UST: variants seen among roughly 807,000 people sequenced by gnomAD.
UST encodes uronyl 2-sulfotransferase.
In UST, 21 loss-of-function variants were observed where a neutral mutation model predicts 45.6. The observed-to-expected ratio is 0.46, with a 90% CI of 0.33 to 0.66. The LOEUF (loss-of-function observed/expected upper bound fraction) is 0.66. Among genes scored for constraint, UST ranks in the 30% least tolerant of loss-of-function variants. The probability of loss-of-function intolerance (pLI) is 0.02; values close to 1 mark genes in which losing one functional copy is unlikely to be tolerated. For missense variants in UST, 463 were observed against 512.4 expected, an observed-to-expected ratio of 0.90 and a Z score of 0.93; for synonymous variants, 215 against 200.6, an observed-to-expected ratio of 1.07 and a Z score of -0.61.
chr6:148,885,221 A>G (rs1352182806), intron 1 of UST, among the ~76,000 whole-genome samples: 1 of 152,136 alleles, frequency 6.6e-6, no homozygotes, highest in Admixed American at 6.5e-5. Flanking sequence ...TCGATCCTTG[A>G]GATTGATTCC....
chr6:148,918,137 C>T (rs1399400114), intron 2 of UST, among the ~76,000 whole-genome samples: 8 of 152,294 alleles, frequency 5.3e-5, no homozygotes, highest in South Asian at 2.1e-4. Context: ...GCAAAACCAT[C>T]GGTAAGGAGG....
At position 149,074,138 on chromosome 6, in the gene UST, G is replaced by A. The variant is rs572972906; in HGVS notation, c.*22G>A. 7 of 1,604,480 alleles carry A rather than the reference G, an allele frequency of 4.4e-6. No individual in the cohort carries two copies. The African/African-American group carries it at 9.4e-5, about 21-fold the overall frequency. On this transcript the variant is annotated 3_prime_UTR_variant, in exon 8 of 8. Transcript: ENST00000367463. ...GTGATGTGACTGTGTTGCCTCTATG[G>A]CTTTATCTCCCTTTTCCAGAAAGTT...
chr6:148,872,778 C>A (rs1288955896), intron 1 of UST, among the ~76,000 whole-genome samples: 1 of 152,126 alleles, frequency 6.6e-6, no homozygotes, highest in Admixed American at 6.5e-5. Context: ...CTCCCTGACT[C>A]GTGGCCCCTT....
At chr6:148,808,034 G>A (rs1777183739) in intron 1 of UST, among the ~76,000 whole-genome samples, 1 of 152,158 alleles carries the variant, frequency 6.6e-6, no homozygotes, top group Non-Finnish European at 1.5e-5. Context: ...GCCAGGGTGG[G>A]AGGCAGGGCT....
At chr6:148,885,002 T>G (rs1313667097) in intron 1 of UST, among the ~76,000 whole-genome samples, 1 of 152,050 alleles carries the variant, frequency 6.6e-6, no homozygotes, top group East Asian at 1.9e-4. Flanking sequence ...AGGATGGAAT[T>G]GGAGCAAATA....
intron 1 of UST, among the ~76,000 whole-genome samples, chr6:148,839,126 G>T (rs963990207): frequency 3.3e-5 from 5 of 152,314 alleles, no homozygotes; most frequent in Admixed American, 1.3e-4. Context: ...GTTTATGGGA[G>T]GCCATTGTTT....
intron 1 of UST, among the ~76,000 whole-genome samples, chr6:148,786,413 A>T (rs1776736674): frequency 6.6e-6 from 1 of 151,990 alleles, no homozygotes; most frequent in Non-Finnish European, 1.5e-5. Flanking sequence ...AAATGGCCCC[A>T]GTGTGTGTTG....
chr6:149,029,796 T>G (rs1225207604), intron 7 of UST, among the ~76,000 whole-genome samples: 3 of 151,948 alleles, frequency 2.0e-5, no homozygotes, highest in Non-Finnish European at 4.4e-5. Flanking sequence ...ACCATCGATA[T>G]TCTCTATAAA....
chr6:148,881,419 G>T (rs1778820304), intron 1 of UST, among the ~76,000 whole-genome samples: 1 of 152,142 alleles, frequency 6.6e-6, no homozygotes, highest in Non-Finnish European at 1.5e-5. Context: ...AAACTCTAAA[G>T]GTATAGGTTA....
intron 1 of UST, among the ~76,000 whole-genome samples, chr6:148,866,046 C>A (rs117352330): frequency 0.014 from 2,044 of 151,370 alleles, 30 homozygotes; most frequent in Admixed American, 0.025. Context: ...TATATATATA[C>A]AAATACATAT....
intron 5 of UST, among the ~76,000 whole-genome samples, chr6:148,995,161 A>G (rs2114996944): frequency 6.6e-6 from 1 of 152,246 alleles, no homozygotes; most frequent in East Asian, 1.9e-4. Flanking sequence ...AGTAGCTGGA[A>G]TTATAGGCAC....
intron 7 of UST, among the ~76,000 whole-genome samples, chr6:149,041,807 C>A (rs1776318262): frequency 6.6e-6 from 1 of 152,194 alleles, no homozygotes; most frequent in African/African-American, 2.4e-5. Flanking sequence ...TCCATGCTGA[C>A]CACCCTTGGC....
intron 5 of UST, chr6:148,990,439 T>C (rs1781326582): frequency 2.0e-6 from 2 of 984,570 alleles, no homozygotes; most frequent in Non-Finnish European, 1.2e-6. Context: ...GGTAACTAGA[T>C]GGTATTTTTC....
At position 148,823,635 on chromosome 6, in the gene UST, T is replaced by C. The variant is rs549104469; in HGVS notation, c.248-63351T>C. On this transcript the variant is annotated intron_variant, in intron 1 of 7. Coordinates refer to ENST00000367463, the MANE Select transcript of UST (RefSeq NM_005715.3). The stretch of plus-strand genomic sequence containing the variant: ...AATGTGATATTAGTATTGGTAGCAG[T>C]GTACCTTAATTTGGAAGGGTAGGAA... Among the ~76,000 whole-genome samples, 5 of 152,340 alleles carry C rather than the reference T, an allele frequency of 3.3e-5. No individual in the cohort carries two copies. The South Asian group carries it at 8.3e-4, about 25-fold the overall frequency.
At chr6:148,992,803 C>G (rs1781380903) in intron 5 of UST, among the ~76,000 whole-genome samples, 1 of 152,126 alleles carries the variant, frequency 6.6e-6, no homozygotes. Context: ...ATGGATGGCC[C>G]CTGCTCAAGG....
At chr6:148,985,568 C>G (rs928868083) in intron 5 of UST, among the ~76,000 whole-genome samples, 1 of 152,154 alleles carries the variant, frequency 6.6e-6, no homozygotes, top group African/African-American at 2.4e-5. Flanking sequence ...TTCTACTAAT[C>G]TTGGCAAGAG....
chr6:148,930,199 G>T (rs1479344697), intron 2 of UST, among the ~76,000 whole-genome samples: 1 of 152,190 alleles, frequency 6.6e-6, no homozygotes, highest in African/African-American at 2.4e-5. Context: ...TTACCACATG[G>T]TATCAGCGCA....
In UST at chr6:148,990,398, G is replaced by A. The variant is rs1033406101; in HGVS notation, c.681+25835G>A. The A allele has an allele frequency of 4.1e-6, 4 of 985,164 alleles. No homozygotes were observed. In the Admixed American group the frequency reaches 2.5e-4, roughly 61 times the overall value. 61.0% of individuals were successfully genotyped at this position (985,164 alleles called of 1,614,324 possible). ...AGTTAAGCAGATCAACCTATGAAGA[G>A]CGAGAAGCCAAAGGAGATGTTTCAT... On this transcript the variant is annotated intron_variant, in intron 5 of 7. Transcript: ENST00000367463.
At chr6:148,854,225 T>C (rs1778159928) in intron 1 of UST, among the ~76,000 whole-genome samples, 1 of 152,238 alleles carries the variant, frequency 6.6e-6, no homozygotes, top group African/African-American at 2.4e-5. Context: ...TGCACACCTG[T>C]CCCTGTACCG....
Sources: allele counts gnomAD v4.1 joint callset (sites outside exome capture counted in the v4.1 genomes callset), GRCh38; gene constraint gnomAD v4.1.1; transcripts MANE v1.5; gene names NCBI Gene and HGNC (gene_info 2026-07-23, HGNC 2026-07-21).